SLC49A4: variants seen among roughly 807,000 people sequenced by gnomAD.
SLC49A4 encodes the protein disrupted in renal cancer protein 2.
A neutral mutation model predicts 50.6 loss-of-function variants in SLC49A4; 36 were observed. The observed-to-expected ratio is 0.71, with a 90% CI of 0.55 to 0.94. The LOEUF is 0.94. SLC49A4 is among the 40% of genes least tolerant of loss of function. SLC49A4 has a pLI of 0.00. For synonymous variants in SLC49A4, 248 were observed against 241.2 expected (o/e 1.03, Z -0.26); for missense variants, 503 against 605.7 (o/e 0.83, Z 1.78).
chr3:122,819,998 A>G (rs961840573), intron 2 of SLC49A4, among the ~76,000 whole-genome samples: 2 of 152,278 alleles, frequency 1.3e-5, no homozygotes, highest in South Asian at 4.1e-4. Context: ...TTAAATTCTG[A>G]ATACTAGAAT....
In SLC49A4 at chr3:122,867,409, A is replaced by G. The variant is rs1467627832; in HGVS notation, c.1139-5006A>G. ...ATTATTAGCACTGATAATTTACACTATTTCTAAATAAGCTGTTTTTTTACT... is the reference window on the plus strand; with the variant it reads ...ATTATTAGCACTGATAATTTACACTGTTTCTAAATAAGCTGTTTTTTTACT... On this transcript the variant is annotated intron_variant, in intron 7 of 8. Transcript: ENST00000261038. 3.3e-5 allele frequency among the ~76,000 whole-genome samples: 5 copies of G among 152,194 alleles called. No homozygotes were observed. The East Asian group carries it at 9.6e-4, about 29-fold the overall frequency.
chr3:122,815,595 C>T (rs1936354506), intron 2 of SLC49A4, among the ~76,000 whole-genome samples: 1 of 152,184 alleles, frequency 6.6e-6, no homozygotes, highest in South Asian at 2.1e-4. Flanking sequence ...TCCATGCACT[C>T]CCCTCTTCCC....
At chr3:122,842,397 A>G (rs959756554) in intron 4 of SLC49A4, among the ~76,000 whole-genome samples, 7 of 147,686 alleles carry the variant, frequency 4.7e-5, no homozygotes, top group African/African-American at 1.5e-4. Context: ...GAGGCAGGAG[A>G]ATGGCGTGAA....
chr3:122,869,232 A>C (rs1576311967), intron 7 of SLC49A4, among the ~76,000 whole-genome samples: 1 of 150,054 alleles, frequency 6.7e-6, no homozygotes, highest in African/African-American at 2.4e-5. Context: ...GACCCCCCCC[A>C]GTTTTCCTCT....
intron 4 of SLC49A4, among the ~76,000 whole-genome samples, chr3:122,840,329 G>T (rs1458703609): frequency 1.3e-5 from 2 of 152,104 alleles, no homozygotes; most frequent in Non-Finnish European, 2.9e-5. Context: ...AGACTTCACC[G>T]CTATCCAATT....
At chr3:122,834,623 A>C (rs1135431) in intron 4 of SLC49A4, among the ~76,000 whole-genome samples, 1 of 152,144 alleles carries the variant, frequency 6.6e-6, no homozygotes, top group East Asian at 1.9e-4. Flanking sequence ...AAGATTACAA[A>C]TTGACAACCT....
chr3:122,873,415 A>G (rs1472016060), intron 8 of SLC49A4, among the ~76,000 whole-genome samples: 1 of 152,066 alleles, frequency 6.6e-6, no homozygotes, highest in African/African-American at 2.4e-5. Context: ...CCTGACCTCA[A>G]GTAATCCACC....
At chr3:122,810,188 A>G (rs10511415) in intron 2 of SLC49A4, among the ~76,000 whole-genome samples, 15,588 of 152,242 alleles carry the variant, frequency 0.1, 829 homozygotes, top group East Asian at 0.14. Context: ...GTATCAAGAC[A>G]TGAGAATAGC....
At chr3:122,809,063 A>C (rs1271969287) in intron 2 of SLC49A4, among the ~76,000 whole-genome samples, 1 of 152,208 alleles carries the variant, frequency 6.6e-6, no homozygotes, top group East Asian at 1.9e-4. Context: ...TTCCATTAAC[A>C]GATGGGGAAC....
chr3:122,837,939 C>CA (rs1316054487), intron 4 of SLC49A4, among the ~76,000 whole-genome samples: 1 of 151,994 alleles, frequency 6.6e-6, no homozygotes, highest in African/African-American at 2.4e-5. Flanking sequence ...TTAATGCAGC[C>CA]AAAAAACACA....
chr3:122,795,304 C>A lies in SLC49A4; in HGVS notation c.112C>A (p.Pro38Thr). The change falls in exon 1 of 9, where the codon CCC becomes ACC. Residue 38 changes from proline to threonine, a missense_variant. Pro to Thr is a conservative substitution (Grantham distance 38, BLOSUM62 -1). Transcript: ENST00000261038. ...RSREAAAAAL[P>T]AAVPGPGRVY... ...CCGGGAGGCGGCGGCGGCGGCGCTG[C>A]CCGCGGCGGTCCCGGGTCCCGGGCG... is the stretch of plus-strand genomic sequence containing the variant. 6.9e-7 allele frequency: 1 copy of A among 1,458,718 alleles called. No individual in the cohort carries two copies. Among genetic ancestry groups the A allele is most frequent in the Admixed American group, 3.1e-5 (1 of 32,592 alleles). The allele number at this position is 1,458,718 out of a possible 1,614,324, so 90.4% of individuals were successfully genotyped here.
At chr3:122,834,701 A>G (rs1372987817) in intron 4 of SLC49A4, among the ~76,000 whole-genome samples, 1 of 152,170 alleles carries the variant, frequency 6.6e-6, no homozygotes, top group Non-Finnish European at 1.5e-5. Flanking sequence ...AAAAAAAGAA[A>G]AAACAAAGAT....
At chr3:122,829,657 C>T (rs1353976536) in intron 3 of SLC49A4, among the ~76,000 whole-genome samples, 1 of 152,066 alleles carries the variant, frequency 6.6e-6, no homozygotes, top group Non-Finnish European at 1.5e-5. Context: ...GGCTGAGGCA[C>T]GAGAATCGTT....
At position 122,833,379 on chromosome 3, in the gene SLC49A4, C is replaced by T; in HGVS notation, c.766C>T (p.Leu256Phe). ...AGCTTATTTCCCACCCCGACCTCCTCTTCCTCCCAGTGTTGCTGCAGCTAG... is the reference window on the plus strand; with the variant it reads ...AGCTTATTTCCCACCCCGACCTCCTTTTCCTCCCAGTGTTGCTGCAGCTAG... ...TLAYFPPRPP[L>F]PPSVAAASQR... The change falls in exon 4 of 9, where the codon CTT (leucine) becomes TTT (phenylalanine). Residue 256 changes from leucine to phenylalanine, a missense_variant. By Grantham distance (22) the Leu-to-Phe change is conservative. Transcript: ENST00000261038. 2 of 1,613,750 alleles carry T rather than the reference C, an allele frequency of 1.2e-6. No homozygotes were observed. Among genetic ancestry groups the T allele is most frequent in the African/African-American group, 1.3e-5 (1 of 75,026 alleles).
chr3:122,815,227 T>G (rs1576293778), intron 2 of SLC49A4, among the ~76,000 whole-genome samples: 1 of 152,094 alleles, frequency 6.6e-6, no homozygotes, highest in African/African-American at 2.4e-5. Context: ...GTAACTAGGA[T>G]TACAGACACC....
intron 8 of SLC49A4, among the ~76,000 whole-genome samples, chr3:122,878,225 G>T (rs892794860): frequency 3.9e-5 from 6 of 152,120 alleles, no homozygotes; most frequent in Non-Finnish European, 8.8e-5. Context: ...ACCCATAACA[G>T]TGACCAAAAA....
chr3:122,847,738 T>C (rs1936874673), intron 5 of SLC49A4, among the ~76,000 whole-genome samples: 1 of 152,008 alleles, frequency 6.6e-6, no homozygotes, highest in Admixed American at 6.5e-5. Context: ...CAAATATAGA[T>C]ACATAAAATT....
intron 4 of SLC49A4, among the ~76,000 whole-genome samples, chr3:122,839,442 TAAAC>T (rs1244476934): frequency 2.6e-5 from 4 of 151,626 alleles, no homozygotes; most frequent in Non-Finnish European, 5.9e-5. Flanking sequence ...ATCATCAGAG[TAAAC>T]AAACAGCCCA....
intron 7 of SLC49A4, among the ~76,000 whole-genome samples, chr3:122,866,715 G>GC (rs2107581943): frequency 6.7e-6 from 1 of 150,200 alleles, no homozygotes; most frequent in East Asian, 2.0e-4. Flanking sequence ...ATCCCCCCCT[G>GC]CCCCCGACCC....
Sources: allele counts gnomAD v4.1 joint callset (sites outside exome capture counted in the v4.1 genomes callset), GRCh38; gene constraint gnomAD v4.1.1; transcripts MANE v1.5; gene names NCBI Gene and HGNC (gene_info 2026-07-23, HGNC 2026-07-21).